Variants in NABP1 observed in about 807,000 individuals in gnomAD.
NABP1 encodes SOSS complex subunit B2.
Under a neutral mutation model 25.0 loss-of-function variants are expected in NABP1, and 18 were observed. The observed-to-expected ratio is 0.72, with a 90% CI of 0.50 to 1.07. NABP1 has a LOEUF of 1.07. Among genes scored for constraint, NABP1 ranks in the 50% least tolerant of loss-of-function variants. NABP1 has a pLI of 0.00. For missense variants in NABP1, 270 were observed against 255.6 expected (o/e 1.06, Z -0.39); for synonymous variants, 71 against 85.0 (o/e 0.84, Z 0.91).
At chr2:191,678,892 C>G in intron 1 of NABP1, 98 bp from the exon 2 acceptor site, 1 of 1,561,826 alleles carries the variant, frequency 6.4e-7, no homozygotes, top group Non-Finnish European at 8.8e-7. Flanking sequence ...GGTCACTTCC[C>G]ACCTTCCAGA....
At position 191,685,660 on chromosome 2, in the gene NABP1, C is replaced by G. The variant is rs1687797383; in HGVS notation, c.507C>G (p.Ser169Arg). The change falls in exon 6 of 6, where the codon AGC becomes AGG. Residue 169 changes from serine (S) to arginine (R), a missense_variant. Coordinates refer to ENST00000425611, the MANE Select transcript of NABP1 (RefSeq NM_001031716.5). The stretch of plus-strand genomic sequence containing the variant: ...ACCAGTTTTCACATGCTGGCAGAAG[C>G]AATGGCCGGGGACTTATAAATCCAC... ...REHQFSHAGRSNGRGLINPQL... is the reference protein window; with the variant it reads ...REHQFSHAGRRNGRGLINPQL... 2 of 1,613,872 alleles carry G rather than the reference C, an allele frequency of 1.2e-6. No homozygotes were observed. The highest frequency in any genetic ancestry group is 8.5e-7 in the Non-Finnish European group (1 of 1,179,930).
intron 5 of NABP1, 27 bp downstream of exon 5, chr2:191,684,323 T>A: frequency 1.4e-6 from 2 of 1,458,320 alleles, no homozygotes; most frequent in South Asian, 2.7e-5. Context: ...GTGTTTCATT[T>A]GTGATCAGGT....
At chr2:191,684,521 AT>A (rs138605379) in intron 5 of NABP1, among the ~76,000 whole-genome samples, 6,324 of 149,152 alleles carry the variant, frequency 0.042, 460 homozygotes, top group African/African-American at 0.14. Flanking sequence ...ATACCATGCT[AT>A]TTTTTTTTTA....
chr2:191,684,296 G>A lies in NABP1; in HGVS notation c.445G>A (p.Gly149Arg), dbSNP rs369715031. 8.9e-5 allele frequency: 135 copies of A among 1,520,520 alleles called. No individual in the cohort carries two copies. Among genetic ancestry groups the A allele is most frequent in the Non-Finnish European group, 1.1e-4 (125 of 1,142,448 alleles). The allele number at this position is 1,520,520 out of a possible 1,614,324, so 94.2% of individuals were successfully genotyped here. The change falls in exon 5 of 6, where the codon GGA becomes AGA. Residue 149 changes from glycine to arginine, a missense_variant and splice_region_variant. Physicochemically the swap from Gly to Arg is moderately radical, Grantham distance 125. Coordinates refer to ENST00000425611, the MANE Select transcript of NABP1 (RefSeq NM_001031716.5). The stretch of plus-strand genomic sequence containing the variant: ...GGGTACAGGTACATTTGGACCAGTG[G>A]GTAAGATTTTGTTTGTGTGTTTCAT... The part of the protein sequence containing the change: ...NMGTGTFGPV[G>R]NGVHTGPESR...
At chr2:191,684,522 T>TA (rs1458109208) in intron 5 of NABP1, among the ~76,000 whole-genome samples, 1 of 137,566 alleles carries the variant, frequency 7.3e-6, no homozygotes, top group African/African-American at 3.3e-5. Context: ...TACCATGCTA[T>TA]TTTTTTTTTA....
chr2:191,679,183 G>A, intron 2 of NABP1, 55 bp downstream of exon 2: 2 of 1,607,562 alleles, frequency 1.2e-6, no homozygotes, highest in Non-Finnish European at 1.7e-6. Flanking sequence ...GGGATTGGCC[G>A]GCTCCTGGGA....
Position 191,681,948 on chromosome 2 carries a change from A to G in NABP1, c.233A>G (p.Tyr78Cys). ...ATTAATGTTTCTTTTCTCTCTAGGT[A>G]TGCATCCATGTGGAAAGGATGTCTG... ...PGDIIRLTRGYASMWKGCLTL... is the reference protein window; with the variant it reads ...PGDIIRLTRGCASMWKGCLTL... The change falls in exon 3 of 6, where the codon TAT becomes TGT. Residue 78 changes from tyrosine (Y) to cysteine (C), a missense_variant and splice_region_variant. Tyr to Cys is a radical substitution (Grantham distance 194). Transcript: ENST00000425611. The G allele has an allele frequency of 1.1e-5, 16 of 1,516,914 alleles. No homozygotes were observed. The highest frequency in any genetic ancestry group is 1.3e-5 in the Non-Finnish European group (15 of 1,135,574). The allele number at this position is 1,516,914 out of a possible 1,614,324, so 94.0% of individuals were successfully genotyped here.
chr2:191,682,258 C>G (rs1687707629), intron 3 of NABP1: 2 of 420,550 alleles, frequency 4.8e-6, no homozygotes, highest in South Asian at 5.8e-5. Context: ...GCAGTTGAGA[C>G]CAGCCCTAGT....
chr2:191,678,446 C>A lies in NABP1; in HGVS notation c.-169C>A. The A allele has an allele frequency of 4.4e-6, 1 of 226,270 alleles. No homozygotes were observed. The highest frequency in any genetic ancestry group is 5.2e-5 in the South Asian group (1 of 19,398). The allele number at this position is 226,270 out of a possible 1,614,324, so 14.0% of individuals were successfully genotyped here. On this transcript the variant is annotated 5_prime_UTR_variant, in exon 1 of 6. In the 5' UTR this introduces an upstream ATG that the reference lacks. Transcript: ENST00000425611. ...TTTTTTTCTTTTTTTAGGCTCAGTG[C>A]TGTCCGGGCTGGTTTGCCCGGTCCC...
In NABP1 at chr2:191,678,502, C is replaced by T; in HGVS notation, c.-113C>T. Reference sequence around the variant, plus strand: ...AACGGCTTTCTGCCCCTTCTCTCGCCACCCCTGCCCAAGGTCGCCCCTCTG... The same window carrying T: ...AACGGCTTTCTGCCCCTTCTCTCGCTACCCCTGCCCAAGGTCGCCCCTCTG... On this transcript the variant is annotated 5_prime_UTR_variant, in exon 1 of 6. Transcript: ENST00000425611. The T allele has an allele frequency of 1.5e-6, 1 of 662,588 alleles. No homozygotes were observed. Among genetic ancestry groups the T allele is most frequent in the Non-Finnish European group, 2.5e-6 (1 of 394,124 alleles). The allele number at this position is 662,588 out of a possible 1,614,324, so 41.0% of individuals were successfully genotyped here.
intron 3 of NABP1, chr2:191,682,599 A>T: frequency 2.1e-6 from 1 of 470,756 alleles, no homozygotes; most frequent in Non-Finnish European, 4.4e-6. Context: ...GTGTAAGGTA[A>T]TTCAGCCTCC....
Position 191,685,360 on chromosome 2 carries a change from A to T in NABP1, c.446-239A>T, listed in dbSNP as rs556496814. On this transcript the variant is annotated intron_variant, in intron 5 of 5. Transcript: ENST00000425611. ...GGCAATGCATTTTTTTACTCTATTA[A>T]TTTCTAATTTTGATGCCCAAGTTGG... 5.9e-5 allele frequency among the ~76,000 whole-genome samples: 9 copies of T among 151,920 alleles called. No homozygotes were observed. In the East Asian group the frequency reaches 1.7e-3, roughly 29 times the overall value.
intron 5 of NABP1, 143 bp downstream of exon 5, chr2:191,684,439 G>C: frequency 4.0e-6 from 2 of 502,470 alleles, no homozygotes; most frequent in East Asian, 3.3e-5. Flanking sequence ...CCAAAGGGCT[G>C]ATTTTCTAGA....
Position 191,685,847 on chromosome 2 carries a change from CTG to C in NABP1, c.*82_*83del. The C allele has an allele frequency of 7.3e-7, 1 of 1,362,720 alleles. No homozygotes were observed. Among genetic ancestry groups the C allele is most frequent in the Non-Finnish European group, 1.0e-6 (1 of 982,670 alleles). 84.4% of individuals were successfully genotyped at this position (1,362,720 alleles called of 1,614,324 possible). The stretch of plus-strand genomic sequence containing the variant: ...TTATTGCACTTTTATTTATTGTTAA[CTG>C]TGAAAAGTACGTCCTTTATTGGGTT... On this transcript the variant is annotated 3_prime_UTR_variant, in exon 6 of 6. Transcript: ENST00000425611.
intron 4 of NABP1, 92 bp from the exon 5 acceptor site, chr2:191,684,138 C>T (rs1687755213): frequency 6.1e-6 from 5 of 815,900 alleles, no homozygotes; most frequent in South Asian, 2.2e-5. Flanking sequence ...AAAGCCAAAC[C>T]CAAAACTTTA....
In NABP1 at chr2:191,685,722, C is replaced by T. The variant is rs759702123; in HGVS notation, c.569C>T (p.Thr190Ile). 16 of 1,613,916 alleles carry T rather than the reference C, an allele frequency of 9.9e-6. No homozygotes were observed. The highest frequency in any genetic ancestry group is 1.7e-5 in the Admixed American group (1 of 59,980). The change falls in exon 6 of 6, where the codon ACC (threonine) becomes ATC (isoleucine). Residue 190 changes from threonine (T) to isoleucine (I), a missense_variant. Physicochemically the swap from Thr to Ile is moderately conservative, Grantham distance 89. Coordinates refer to ENST00000425611, the MANE Select transcript of NABP1 (RefSeq NM_001031716.5). ...ACAGCTAGTAATCAAACAGTGATGA[C>T]CACAATAAGTAATGGCAGGGACCCT... ...QGTASNQTVM[T>I]TISNGRDPRR...
intron 2 of NABP1, among the ~76,000 whole-genome samples, chr2:191,681,500 A>AT (rs1361321825): frequency 6.6e-6 from 1 of 152,138 alleles, no homozygotes; most frequent in Non-Finnish European, 1.5e-5. Flanking sequence ...TAGCTTAGGA[A>AT]TCCTGTGTCT....
rs762055452 is a variant in NABP1 at position 191,679,038 on chromosome 2, T to C, written c.140T>C (p.Val47Ala). ...KDGHEVRSCK[V>A]ADKTGSITIS... ...GGCCATGAAGTGAGATCGTGCAAAGTAGCAGATAAAACGGGCAGCATCACT... is the reference window on the plus strand; with the variant it reads ...GGCCATGAAGTGAGATCGTGCAAAGCAGCAGATAAAACGGGCAGCATCACT... The change falls in exon 2 of 6, where the codon GTA becomes GCA. Residue 47 changes from valine (V) to alanine (A), a missense_variant. Physicochemically the swap from Val to Ala is moderately conservative, Grantham distance 64 (BLOSUM62 0). Coordinates refer to ENST00000425611, the MANE Select transcript of NABP1 (RefSeq NM_001031716.5). 1.2e-6 allele frequency: 2 copies of C among 1,614,230 alleles called. No individual in the cohort carries two copies. The highest frequency in any genetic ancestry group is 1.7e-6 in the Non-Finnish European group (2 of 1,180,030).
At position 191,683,619 on chromosome 2, in the gene NABP1, T is replaced by C; in HGVS notation, c.303-110T>C. On this transcript the variant is annotated intron_variant, in intron 3 of 5. Coordinates refer to ENST00000425611, the MANE Select transcript of NABP1 (RefSeq NM_001031716.5). The surrounding 1 kb of genome is among the most constrained non-coding windows in gnomAD (Gnocchi z 4.1). ...TAAATGAAGAGTTAGTTTGTTGCTA[T>C]TAATTTGTTTGACACATAAGTTCAT... is the stretch of plus-strand genomic sequence containing the variant. 1.4e-6 allele frequency: 1 copy of C among 734,196 alleles called. No homozygotes were observed. The highest frequency in any genetic ancestry group is 2.3e-6 in the Non-Finnish European group (1 of 437,512). 45.5% of individuals were successfully genotyped at this position (734,196 alleles called of 1,614,324 possible).
Sources: allele counts gnomAD v4.1 joint callset (sites outside exome capture counted in the v4.1 genomes callset), GRCh38; gene constraint gnomAD v4.1.1; non-coding constraint Gnocchi (gnomAD v3.1); transcripts MANE v1.5; gene names NCBI Gene and HGNC (gene_info 2026-07-23, HGNC 2026-07-21).